The following PLEKHH2 variants were observed in gnomAD, a reference collection of about 807,000 sequenced individuals.
PLEKHH2 encodes pleckstrin homology, MyTH4 and FERM domain containing H2.
In PLEKHH2, 129 loss-of-function variants were observed where a neutral mutation model predicts 187.9. The observed-to-expected ratio is 0.69, with a 90% CI of 0.59 to 0.79. The LOEUF is 0.79. PLEKHH2 is among the 30% of genes least tolerant of loss of function. PLEKHH2 has a pLI of 0.00. For missense variants in PLEKHH2, 2,076 were observed against 1,751.2 expected (o/e 1.19, Z -3.31); for synonymous variants, 686 against 605.6 (o/e 1.13, Z -1.95).
In PLEKHH2 at chr2:43,695,159, A is replaced by G; in HGVS notation, c.437A>G (p.Gln146Arg). Residue 146 changes from glutamine to arginine, a missense_variant, in exon 6 of 30, where the codon CAG (glutamine) becomes CGG (arginine). Physicochemically the swap from Gln to Arg is conservative, Grantham distance 43. Transcript: ENST00000282406. ...VKLNELELEN[Q>R]NLRLINQNQT... is the part of the protein sequence containing the mutation. ...TTCTCTTAGCTGGAATTGGAGAATCAGAATCTTCGTTTGATCAACCAAAAC... is the reference window on the plus strand; with the variant it reads ...TTCTCTTAGCTGGAATTGGAGAATCGGAATCTTCGTTTGATCAACCAAAAC... 6.3e-7 allele frequency: 1 copy of G among 1,593,608 alleles called. No individual in the cohort carries two copies. The highest frequency in any genetic ancestry group is 8.6e-7 in the Non-Finnish European group (1 of 1,166,392).
At chr2:43,703,418 C>A (rs1338045366) in intron 8 of PLEKHH2, among the ~76,000 whole-genome samples, 1 of 152,188 alleles carries the variant, frequency 6.6e-6, no homozygotes, top group Non-Finnish European at 1.5e-5. Flanking sequence ...CTTTAGGTAT[C>A]TCTTCTACTT....
At chr2:43,698,526 G>T (rs991640616) in intron 7 of PLEKHH2, among the ~76,000 whole-genome samples, 1 of 152,156 alleles carries the variant, frequency 6.6e-6, no homozygotes, top group African/African-American at 2.4e-5. Flanking sequence ...TGGATTTACC[G>T]GTGTGAGCCA....
Position 43,648,560 on chromosome 2 carries a change from CGTGTGTGTGT to C in PLEKHH2, c.123+3796_123+3805del, listed in dbSNP as rs71410194. ...GAGGTGACCTAAATGTAATTACATT[CGTGTGTGTGT>C]GTGTGTGTGTGTGTGTGTGTGTGTG... is the stretch of plus-strand genomic sequence containing the variant. On this transcript the variant is annotated intron_variant, in intron 2 of 29. Coordinates refer to ENST00000282406, the MANE Select transcript of PLEKHH2 (RefSeq NM_172069.4). 5.1e-4 allele frequency among the ~76,000 whole-genome samples: 71 copies of C among 137,912 alleles called. No homozygotes were observed. In the Middle Eastern group the frequency reaches 0.011, roughly 21 times the overall value. 90.5% of individuals were successfully genotyped at this position (137,912 alleles called of 152,430 possible). A position where few individuals can be genotyped will look rare whatever the true frequency, so the allele number is the denominator to read the frequency against.
At position 43,741,006 on chromosome 2, in the gene PLEKHH2, C is replaced by A. The variant is rs956809349; in HGVS notation, c.3184C>A (p.Leu1062Ile). 1.2e-6 allele frequency: 2 copies of A among 1,613,954 alleles called. No homozygotes were observed. The highest frequency in any genetic ancestry group is 3.3e-5 in the Admixed American group (2 of 60,012). Reference sequence around the variant, plus strand: ...CCTTCCCCATCATCCTTTCCTGTGGCTCCTCAGGCTTCACCTAAAGAGGAA... The same window carrying A: ...CCTTCCCCATCATCCTTTCCTGTGGATCCTCAGGCTTCACCTAAAGAGGAA... ...LFLPHHPFLW[L>I]LRLHLKRNAD... Residue 1062 changes from leucine (L) to isoleucine (I), a missense_variant, in exon 21 of 30, where the codon CTC (leucine) becomes ATC (isoleucine). Physicochemically the swap from Leu to Ile is conservative, Grantham distance 5. Transcript: ENST00000282406.
chr2:43,741,028 G>A lies in PLEKHH2; in HGVS notation c.3206G>A (p.Arg1069Lys), dbSNP rs2278358. The change falls in exon 21 of 30, where the codon AGG (arginine) becomes AAG (lysine). Residue 1069 changes from arginine to lysine, a missense_variant. Physicochemically the swap from Arg to Lys is conservative, Grantham distance 26. Transcript: ENST00000282406. ...FLWLLRLHLK[R>K]NADSRTEFGK... ...TGGCTCCTCAGGCTTCACCTAAAGA[G>A]GAATGCAGATTCCAGGTGTGCAGAA... 135,320 of 1,612,564 alleles carry A rather than the reference G, an allele frequency of 0.084. 8,116 individuals are homozygous for A. The highest frequency in any genetic ancestry group is 0.27 in the African/African-American group (20,245 of 74,874).
intron 1 of PLEKHH2, among the ~76,000 whole-genome samples, chr2:43,640,261 T>G (rs979546283): frequency 6.6e-6 from 1 of 151,576 alleles, no homozygotes; most frequent in Non-Finnish European, 1.5e-5. Context: ...CAGGCTGGAG[T>G]GCAGTGTATG....
intron 20 of PLEKHH2, among the ~76,000 whole-genome samples, chr2:43,739,200 A>G (rs996012956): frequency 2.0e-5 from 3 of 152,144 alleles, no homozygotes; most frequent in Non-Finnish European, 4.4e-5. Flanking sequence ...AGGAACCTAA[A>G]TCTTGTGGAC....
chr2:43,758,345 C>T (rs542205556), intron 26 of PLEKHH2, among the ~76,000 whole-genome samples: 49 of 152,220 alleles, frequency 3.2e-4, no homozygotes, highest in African/African-American at 1.1e-3. Context: ...CTCCACCTCC[C>T]GGGTTCAAGT....
chr2:43,765,368 T>G, intron 29 of PLEKHH2, 45 bp from the exon 30 acceptor site: 3 of 1,580,698 alleles, frequency 1.9e-6, no homozygotes, highest in Non-Finnish European at 1.7e-6. Context: ...CTGGAAGTGA[T>G]GAGAACTTCT....
At chr2:43,750,394 C>T (rs1451778333) in intron 24 of PLEKHH2, among the ~76,000 whole-genome samples, 1 of 152,028 alleles carries the variant, frequency 6.6e-6, no homozygotes, top group Admixed American at 6.6e-5. Flanking sequence ...ATCGCATGAA[C>T]CCAGGAGGCA....
chr2:43,712,698 C>A (rs573236716), intron 15 of PLEKHH2, among the ~76,000 whole-genome samples: 1 of 151,990 alleles, frequency 6.6e-6, no homozygotes, highest in Non-Finnish European at 1.5e-5. Flanking sequence ...ATATTTAACA[C>A]GTTTTTTTCT....
intron 1 of PLEKHH2, among the ~76,000 whole-genome samples, chr2:43,639,865 C>T (rs914956596): frequency 6.6e-6 from 1 of 152,062 alleles, no homozygotes; most frequent in Non-Finnish European, 1.5e-5. Context: ...CCATGTTGGC[C>T]AGGCTTGTCT....
intron 23 of PLEKHH2, among the ~76,000 whole-genome samples, chr2:43,744,705 T>C (rs1220503454): frequency 6.6e-6 from 1 of 151,228 alleles, no homozygotes; most frequent in Admixed American, 6.6e-5. Context: ...CCATCTCTAC[T>C]AAAAATACAA....
intron 2 of PLEKHH2, among the ~76,000 whole-genome samples, chr2:43,672,762 C>T (rs963883149): frequency 6.6e-6 from 1 of 151,998 alleles, no homozygotes; most frequent in South Asian, 2.1e-4. Flanking sequence ...TTTTTTCCTC[C>T]CTGCCATTAT....
chr2:43,686,295 C>G (rs1668503257), intron 3 of PLEKHH2, among the ~76,000 whole-genome samples: 1 of 152,160 alleles, frequency 6.6e-6, no homozygotes, highest in Non-Finnish European at 1.5e-5. Context: ...CTCCCGGGTT[C>G]AAGCATTTCT....
chr2:43,678,722 G>C lies in PLEKHH2; in HGVS notation c.124-141G>C, dbSNP rs886626829. On this transcript the variant is annotated intron_variant, in intron 2 of 29. Coordinates refer to ENST00000282406, the MANE Select transcript of PLEKHH2 (RefSeq NM_172069.4). ...ATGGAAAGAGAGGGAGAGGGAGACC[G>C]TGGGTAGAGGTGGAAGTGGAGGTGG... is the stretch of plus-strand genomic sequence containing the variant. 118 of 597,076 alleles carry C rather than the reference G, an allele frequency of 2.0e-4. 1 individual carries two copies. In the Admixed American group the frequency reaches 3.0e-3, roughly 15 times the overall value. 37.0% of individuals were successfully genotyped at this position (597,076 alleles called of 1,614,324 possible).
At chr2:43,645,494 T>C (rs1196797552) in intron 2 of PLEKHH2, among the ~76,000 whole-genome samples, 1 of 152,112 alleles carries the variant, frequency 6.6e-6, no homozygotes, top group Non-Finnish European at 1.5e-5. Flanking sequence ...GCTGTCCCAA[T>C]GCAGTAGCCA....
chr2:43,723,371 T>C (rs1012773988), intron 16 of PLEKHH2, among the ~76,000 whole-genome samples: 5 of 152,022 alleles, frequency 3.3e-5, no homozygotes, highest in Non-Finnish European at 7.4e-5. Flanking sequence ...CTCCAAGACA[T>C]AAAGGTGAAC....
chr2:43,656,699 T>A (rs956372266), intron 2 of PLEKHH2, among the ~76,000 whole-genome samples: 2 of 152,244 alleles, frequency 1.3e-5, no homozygotes, highest in African/African-American at 2.4e-5. Flanking sequence ...GCACAACAAA[T>A]ATATACAATT....
Sources: gnomAD v4.1 joint callset for allele counts (sites outside exome capture counted in the v4.1 genomes callset) on GRCh38, gnomAD v4.1.1 for gene constraint, MANE v1.5 for transcripts, NCBI Gene and HGNC (gene_info 2026-07-23, HGNC 2026-07-21) for gene names.